TYRP1: variants seen among roughly 807,000 people sequenced by gnomAD.
The protein encoded by TYRP1 is 5,6-dihydroxyindole-2-carboxylic acid oxidase.
A neutral mutation model predicts 42.8 loss-of-function variants in TYRP1; 49 were observed. The ratio of observed to expected loss-of-function variants is 1.14; its 90% CI spans 0.91 to 1.45. The LOEUF is 1.45. Among genes scored for constraint, TYRP1 ranks in the 40% most tolerant of loss-of-function variants. TYRP1 has a pLI of 0.00. For missense variants in TYRP1, 848 were observed against 662.0 expected, an observed-to-expected ratio of 1.28 and a Z score of -3.08; for synonymous variants, 279 against 235.4, an observed-to-expected ratio of 1.19 and a Z score of -1.69.
chr9:12,696,074 C>A (rs1333763243), intron 3 of TYRP1, among the ~76,000 whole-genome samples: 1 of 152,112 alleles, frequency 6.6e-6, no homozygotes, highest in African/African-American at 2.4e-5. Context: ...GAGACATTTG[C>A]AGGAATGAAT....
rs770420872 is a variant in TYRP1, at chr9:12,708,089, A to ATGTT, written c.1359_1362dup (p.Thr455CysfsTer12). ...CTGGCCCCCAGTCACCAACACAGAAATGTTTGTTACTGCTCCAGACAACCT... is the reference window on the plus strand; with the variant it reads ...CTGGCCCCCAGTCACCAACACAGAAATGTTTGTTTGTTACTGCTCCAGACAACCT... On this transcript the variant is annotated frameshift_variant, in exon 7 of 8. Transcript: ENST00000388918. LOFTEE classifies it high-confidence loss of function. 2 of 1,612,868 alleles carry ATGTT rather than the reference A, an allele frequency of 1.2e-6. No individual in the cohort carries two copies. The highest frequency in any genetic ancestry group is 1.7e-6 in the Non-Finnish European group (2 of 1,179,322).
chr9:12,707,875 T>C, intron 6 of TYRP1, 122 bp from the exon 7 acceptor site: 2 of 902,664 alleles, frequency 2.2e-6, no homozygotes, highest in Non-Finnish European at 3.3e-6. Flanking sequence ...CTTTATTCAG[T>C]GTAAAATAAG....
chr9:12,696,952 TA>T (rs141808617), intron 3 of TYRP1, among the ~76,000 whole-genome samples: 6,540 of 152,212 alleles, frequency 0.043, 186 homozygotes, highest in Non-Finnish European at 0.062. Flanking sequence ...CGAGAAAAAA[TA>T]AATGGTTAGA....
chr9:12,702,339 C>T lies in TYRP1; in HGVS notation c.982C>T (p.Pro328Ser), dbSNP rs1225068254. 3 of 1,613,094 alleles carry T rather than the reference C, an allele frequency of 1.9e-6. No individual in the cohort carries two copies. Among genetic ancestry groups the T allele is most frequent in the Non-Finnish European group, 2.5e-6 (3 of 1,179,480 alleles). The change falls in exon 5 of 8, where the codon CCT becomes TCT. Residue 328 changes from proline (P) to serine (S), a missense_variant. Physicochemically the swap from Pro to Ser is moderately conservative, Grantham distance 74 (BLOSUM62 -1). Transcript: ENST00000388918. ...GGCCAGACCAATGGTGCAACGTCTT[C>T]CTGAACCACAGGATGTCGCTCAGTG... ...NVARPMVQRL[P>S]EPQDVAQCLE...
chr9:12,701,584 T>C (rs1244389543), intron 4 of TYRP1: 1 of 151,946 alleles, frequency 6.6e-6, no homozygotes, highest in Non-Finnish European at 1.5e-5. Context: ...TGTAAATCTC[T>C]CTTCTTTATA....
Position 12,704,690 on chromosome 9 carries a change from AG to A in TYRP1, c.1248del (p.Arg417AspfsTer62). On this transcript the variant is annotated frameshift_variant, in exon 6 of 8. Transcript: ENST00000388918. LOFTEE classifies it high-confidence loss of function. ...FTDAVFDEWL[R>X]RYNADISTFP... ...AGATGCAGTCTTTGATGAATGGCTG[AG>A]GAGATACAATGCTGGTAAGACATTT... The A allele has an allele frequency of 6.2e-7, 1 of 1,612,952 alleles. No homozygotes were observed. The highest frequency in any genetic ancestry group is 8.5e-7 in the Non-Finnish European group (1 of 1,179,330).
chr9:12,709,015 G>T lies in TYRP1; in HGVS notation c.1447G>T (p.Val483Leu). Residue 483 changes from valine (V) to leucine (L), a missense_variant, in exon 8 of 8, where the codon GTA becomes TTA. Physicochemically the swap from Val to Leu is conservative, Grantham distance 32. Coordinates refer to ENST00000388918, the MANE Select transcript of TYRP1 (RefSeq NM_000550.3). ...FSVPEIIAIA[V>L]VGALLLVALI... ...TGTACCTGAGATAATTGCCATAGCA[G>T]TAGTTGGCGCTTTGTTACTGGTTGC... is the stretch of plus-strand genomic sequence containing the variant. The T allele has an allele frequency of 1.2e-6, 2 of 1,612,724 alleles. No homozygotes were observed. The highest frequency in any genetic ancestry group is 1.7e-6 in the Non-Finnish European group (2 of 1,179,208).
intron 6 of TYRP1, 139 bp from the exon 7 acceptor site, chr9:12,707,858 T>C: frequency 1.3e-6 from 1 of 788,576 alleles, no homozygotes; most frequent in Non-Finnish European, 2.0e-6. Context: ...GTAGTGAAAC[T>C]TCATATCTTT....
At chr9:12,705,602 T>A (rs1468547592) in intron 6 of TYRP1, among the ~76,000 whole-genome samples, 1 of 152,040 alleles carries the variant, frequency 6.6e-6, no homozygotes, top group Non-Finnish European at 1.5e-5. Flanking sequence ...ATCGCAGCAC[T>A]TTGGGAAGCC....
Position 12,698,656 on chromosome 9 carries a change from G to A in TYRP1, c.913+1G>A, listed in dbSNP as rs748926400. ...GATACCCTGGGAACACTTTGTAACA[G>A]TAAGTTCCAAATGATAGCTTGGAGT... On this transcript the variant is annotated splice_donor_variant, in intron 4 of 7. Coordinates refer to ENST00000388918, the MANE Select transcript of TYRP1 (RefSeq NM_000550.3). LOFTEE classifies it high-confidence loss of function. The A allele has an allele frequency of 7.4e-6, 12 of 1,612,602 alleles. No homozygotes were observed. The highest frequency in any genetic ancestry group is 9.3e-6 in the Non-Finnish European group (11 of 1,178,948).
intron 5 of TYRP1, among the ~76,000 whole-genome samples, chr9:12,702,843 G>T (rs192719854): frequency 3.8e-4 from 57 of 151,822 alleles, no homozygotes; most frequent in African/African-American, 1.2e-3. Flanking sequence ...CAAACAATTA[G>T]TTGACACTGA....
chr9:12,695,948 A>T, intron 3 of TYRP1, 111 bp downstream of exon 3: 4 of 1,162,424 alleles, frequency 3.4e-6, no homozygotes, highest in Non-Finnish European at 5.0e-6. Context: ...ATGAAAAAGC[A>T]ATTTTATGTT....
rs749839678 is a variant in TYRP1 at position 12,709,503 on chromosome 9, A to C, written c.*321A>C. On this transcript the variant is annotated 3_prime_UTR_variant, in exon 8 of 8. Coordinates refer to ENST00000388918, the MANE Select transcript of TYRP1 (RefSeq NM_000550.3). ...GTAAGTGAACTACCATGCTTTGTTT[A>C]CGTGTAAAGGAAAATAATGTTTGAT... The C allele has an allele frequency of 2.0e-5, 6 of 300,868 alleles. No individual in the cohort carries two copies. Among genetic ancestry groups the C allele is most frequent in the Middle Eastern group, 1.1e-3 (1 of 924 alleles). The allele number at this position is 300,868 out of a possible 1,614,324, so 18.6% of individuals were successfully genotyped here. A position where few individuals can be genotyped will look rare whatever the true frequency, so the allele number is the denominator to read the frequency against.
At position 12,696,688 on chromosome 9, in the gene TYRP1, G is replaced by A. The variant is rs116599654; in HGVS notation, c.708+851G>A. 8.2e-3 allele frequency among the ~76,000 whole-genome samples: 1,248 copies of A among 152,024 alleles called. 20 individuals are homozygous for A. The highest frequency in any genetic ancestry group is 0.028 in the African/African-American group (1,167 of 41,472). On this transcript the variant is annotated intron_variant, in intron 3 of 7. Transcript: ENST00000388918. ...CAAACATATTAAAGTATCTAGTTACGTAGATTCTTTACTCTTATTTCTTTT... is the reference window on the plus strand; with the variant it reads ...CAAACATATTAAAGTATCTAGTTACATAGATTCTTTACTCTTATTTCTTTT...
intron 3 of TYRP1, among the ~76,000 whole-genome samples, chr9:12,697,589 T>G (rs2118229467): frequency 6.6e-6 from 1 of 152,238 alleles, no homozygotes; most frequent in East Asian, 1.9e-4. Context: ...AGAGATAAGA[T>G]AAAACAATTG....
intron 7 of TYRP1, 57 bp from the exon 8 acceptor site, chr9:12,708,920 T>C: frequency 6.8e-7 from 1 of 1,464,638 alleles, no homozygotes; most frequent in African/African-American, 1.4e-5. Context: ...CTGTCCACTT[T>C]TTGGTGATAA....
At chr9:12,704,504 C>T (rs762753841) in intron 5 of TYRP1, 22 bp from the exon 6 acceptor site, 1 of 1,606,248 alleles carries the variant, frequency 6.2e-7, no homozygotes, top group Non-Finnish European at 8.5e-7. Flanking sequence ...TTTTACTATT[C>T]TCCTCCTTAC....
chr9:12,709,007 C>G lies in TYRP1; in HGVS notation c.1439C>G (p.Ala480Gly). Residue 480 changes from alanine to glycine, a missense_variant, in exon 8 of 8, where the codon GCC becomes GGC. Physicochemically the swap from Ala to Gly is moderately conservative, Grantham distance 60. Transcript: ENST00000388918. ...GAGTTTAGTGTACCTGAGATAATTGCCATAGCAGTAGTTGGCGCTTTGTTA... is the reference window on the plus strand; with the variant it reads ...GAGTTTAGTGTACCTGAGATAATTGGCATAGCAGTAGTTGGCGCTTTGTTA... ...SREFSVPEII[A>G]IAVVGALLLV... 6.2e-7 allele frequency: 1 copy of G among 1,612,594 alleles called. No homozygotes were observed. Among genetic ancestry groups the G allele is most frequent in the Non-Finnish European group, 8.5e-7 (1 of 1,179,146 alleles).
intron 2 of TYRP1, among the ~76,000 whole-genome samples, chr9:12,694,820 T>G (rs1197966958): frequency 6.6e-6 from 1 of 152,198 alleles, no homozygotes; most frequent in Non-Finnish European, 1.5e-5. Context: ...TAAAGAAGTT[T>G]CCCACCATGA....
Sources: gnomAD v4.1 joint callset for allele counts (sites outside exome capture counted in the v4.1 genomes callset) on GRCh38, gnomAD v4.1.1 for gene constraint, MANE v1.5 for transcripts, NCBI Gene and HGNC (gene_info 2026-07-23, HGNC 2026-07-21) for gene names.